The following BLTP1 variants were observed in gnomAD, a reference collection of about 807,000 sequenced individuals.
BLTP1 encodes the protein bridge-like lipid transfer protein family member 1, also known as fragile site-associated protein.
At chr4:122,260,872 A>C in the BLTP1 span, among the ~76,000 whole-genome samples, 1 of 152,182 alleles carries the variant, frequency 6.6e-6, no homozygotes, top group African/African-American at 2.4e-5. Flanking sequence ...ATATAGATGC[A>C]TACTATGAAA....
chr4:122,200,407 G>A, the BLTP1 span: 1 of 549,022 alleles, frequency 1.8e-6, no homozygotes, highest in Non-Finnish European at 2.3e-6. Context: ...GTGAAACCCT[G>A]CCTCTACTAA....
chr4:122,204,178 A>G, the BLTP1 span, among the ~76,000 whole-genome samples: 1 of 151,904 alleles, frequency 6.6e-6, no homozygotes, highest in African/African-American at 2.4e-5. Context: ...ATGAAACAAT[A>G]CCAGACATTA....
chr4:122,328,599 A>G, the BLTP1 span: 1 of 953,760 alleles, frequency 1.0e-6, no homozygotes, highest in Non-Finnish European at 1.2e-6. Context: ...CCTAAGTTTA[A>G]TTATCTAAAA....
the BLTP1 span, among the ~76,000 whole-genome samples, chr4:122,205,669 A>G: frequency 6.9e-6 from 1 of 145,188 alleles, no homozygotes; most frequent in Non-Finnish European, 1.5e-5. Flanking sequence ...CTCTAGTGTC[A>G]AAGTCTGTGC....
the BLTP1 span, chr4:122,346,956 C>A: frequency 1.2e-6 from 1 of 845,172 alleles, no homozygotes; most frequent in Non-Finnish European, 1.4e-6. Flanking sequence ...ACCAAAAAGA[C>A]AAAAAGTTTT....
chr4:122,230,505 G>A, the BLTP1 span, among the ~76,000 whole-genome samples: 2 of 152,090 alleles, frequency 1.3e-5, no homozygotes, highest in African/African-American at 4.8e-5. Flanking sequence ...CCCAAATAAC[G>A]TTTTGTAAAG....
the BLTP1 span, chr4:122,353,882 AC>A: frequency 6.2e-7 from 1 of 1,613,946 alleles, no homozygotes; most frequent in Non-Finnish European, 8.5e-7. The surrounding 1 kb of genome is among the most constrained non-coding windows in gnomAD (Gnocchi z 4.3). Flanking sequence ...TACTATGGTT[AC>A]CAAACCATGT....
the BLTP1 span, chr4:122,262,929 G>T: frequency 1.9e-6 from 3 of 1,613,934 alleles, no homozygotes; most frequent in Non-Finnish European, 2.5e-6. Flanking sequence ...CCTCCTGGAA[G>T]GTACTCCTCA....
At chr4:122,222,353 A>G in the BLTP1 span, among the ~76,000 whole-genome samples, 6 of 152,144 alleles carry the variant, frequency 3.9e-5, no homozygotes, top group Non-Finnish European at 8.8e-5. Context: ...TCTTAACTCA[A>G]GGCTTCAAGA....
chr4:122,204,304 A>G, the BLTP1 span: 7 of 975,136 alleles, frequency 7.2e-6, no homozygotes, highest in Non-Finnish European at 8.5e-6. Context: ...GAAAGTAAGG[A>G]AAGACACTAA....
At chr4:122,291,031 A>C in the BLTP1 span, 1 of 375,816 alleles carries the variant, frequency 2.7e-6, no homozygotes, top group Non-Finnish European at 3.7e-6. Context: ...TTTTGATTAA[A>C]GAGAAAGGCT....
the BLTP1 span, chr4:122,333,594 T>G: frequency 6.5e-7 from 1 of 1,545,916 alleles, no homozygotes; most frequent in Non-Finnish European, 8.7e-7. Flanking sequence ...AATGTGTCAT[T>G]TTTTAAAAAG....
At chr4:122,313,052 T>G in the BLTP1 span, 4 of 190,384 alleles carry the variant, frequency 2.1e-5, no homozygotes, top group Non-Finnish European at 3.9e-5. Context: ...AGCCAGTTGG[T>G]AGTAAATGTT....
the BLTP1 span, among the ~76,000 whole-genome samples, chr4:122,217,137 T>C: frequency 6.6e-6 from 1 of 152,102 alleles, no homozygotes; most frequent in Admixed American, 6.6e-5. Flanking sequence ...GCTTTGTCGA[T>C]GATCAGTTGG....
chr4:122,235,012 A>C, the BLTP1 span: 1 of 1,600,740 alleles, frequency 6.2e-7, no homozygotes, highest in South Asian at 1.1e-5. Flanking sequence ...GAAATTCCCA[A>C]AATTATAGAT....
chr4:122,246,686 A>G, the BLTP1 span: 6 of 1,610,910 alleles, frequency 3.7e-6, no homozygotes, highest in South Asian at 6.6e-5. Context: ...GTGTTAGGTA[A>G]ACTTATGTTT....
chr4:122,255,206 C>T, the BLTP1 span: 2 of 1,612,846 alleles, frequency 1.2e-6, no homozygotes, highest in Non-Finnish European at 1.7e-6. Context: ...CCAAGAAAAT[C>T]CTTCATGTTT....
At chr4:122,288,693 A>C in the BLTP1 span, 132 of 255,506 alleles carry the variant, frequency 5.2e-4, no homozygotes, top group African/African-American at 1.9e-3. Flanking sequence ...ATAAATAAAT[A>C]AATCTATTTT....
the BLTP1 span, chr4:122,339,082 T>C: frequency 1.4e-5 from 16 of 1,111,924 alleles, no homozygotes; most frequent in Non-Finnish European, 1.9e-5. Flanking sequence ...TCAGGTGATA[T>C]ACTTTATTTC....
Sources: allele counts gnomAD v4.1 joint callset (sites outside exome capture counted in the v4.1 genomes callset), GRCh38; gene constraint gnomAD v4.1.1; non-coding constraint Gnocchi (gnomAD v3.1); transcripts MANE v1.5; gene names NCBI Gene and HGNC (gene_info 2026-07-23, HGNC 2026-07-21).